HIC1: variants seen among roughly 807,000 people sequenced by gnomAD.
The protein encoded by HIC1 is hypermethylated in cancer 1 protein.
Under a neutral mutation model 26.4 loss-of-function variants are expected in HIC1, and 9 were observed. That is an observed-to-expected ratio of 0.34 (90% CI 0.21 to 0.59). The LOEUF (loss-of-function observed/expected upper bound fraction) is 0.59, where lower values mean the gene tolerates loss of function less well. Among genes scored for constraint, HIC1 ranks in the 20% least tolerant of loss-of-function variants. The probability of loss-of-function intolerance (pLI) is 0.82; values close to 1 mark genes in which losing one functional copy is unlikely to be tolerated. For missense variants in HIC1, 965 were observed against 1,075.7 expected, an observed-to-expected ratio of 0.90 and a Z score of 1.44; for synonymous variants, 631 against 523.1, an observed-to-expected ratio of 1.21 and a Z score of -2.81.
chr17:2,062,275 A>G lies in HIC1; in HGVS notation c.*3440A>G, dbSNP rs1183596156. 1 of 152,334 alleles carries G rather than the reference A, an allele frequency of 6.6e-6. No homozygotes were observed. The highest frequency in any genetic ancestry group is 1.5e-5 in the Non-Finnish European group (1 of 68,124). 9.4% of individuals were successfully genotyped at this position (152,334 alleles called of 1,614,324 possible). ...AAGTCTCTAAGAGGACAGAAGAGTA[A>G]AAAGGAAGAGTAGAGTTAAGATGAT... On this transcript the variant is annotated 3_prime_UTR_variant, in exon 2 of 2. Transcript: ENST00000619757.
In HIC1 at chr17:2,061,985, G is replaced by A. The variant is rs11869171; in HGVS notation, c.*3150G>A. 0.037 allele frequency: 6,335 copies of A among 173,376 alleles called. 174 individuals are homozygous for A. Among genetic ancestry groups the A allele is most frequent in the African/African-American group, 0.078 (3,270 of 41,700 alleles). 10.7% of individuals were successfully genotyped at this position (173,376 alleles called of 1,614,324 possible). ...TGGCTGGCCCCCAGATCACAACACC[G>A]CTCTCCCCACACCCCACTTTTTTTT... On this transcript the variant is annotated 3_prime_UTR_variant, in exon 2 of 2. Coordinates refer to ENST00000619757, the MANE Select transcript of HIC1 (RefSeq NM_006497.4).
Position 2,057,058 on chromosome 17 carries a change from T to C in HIC1, c.368T>C (p.Val123Ala). 1.4e-6 allele frequency: 2 copies of C among 1,473,728 alleles called. No homozygotes were observed. Among genetic ancestry groups the C allele is most frequent in the Non-Finnish European group, 8.9e-7 (1 of 1,118,438 alleles). The allele number at this position is 1,473,728 out of a possible 1,614,324, so 91.3% of individuals were successfully genotyped here. ...AGCTACCTGCAGATCCCCGACCTCG[T>C]GGCGCTGTGCAAGAAACGCCTCAAG... ...AASYLQIPDL[V>A]ALCKKRLKRH... The change falls in exon 2 of 2, where the codon GTG (valine) becomes GCG (alanine). Residue 123 changes from valine (V) to alanine (A), a missense_variant. Val to Ala is a moderately conservative substitution (Grantham distance 64). This residue lies in a region of HIC1 where 526 missense variants were observed against 525.0 expected (regional missense o/e 1.00). Coordinates refer to ENST00000619757, the MANE Select transcript of HIC1 (RefSeq NM_006497.4).
rs766662445 is a variant in HIC1, at chr17:2,058,641, G to A, written c.1951G>A (p.Ala651Thr). The part of the protein sequence containing the change: ...LSLKQQDKAA[A>T]AELLAQTTHF... ...CCTGAAGCAGCAGGACAAGGCGGCC[G>A]CGGCCGAGCTGCTGGCGCAGACCAC... is the stretch of plus-strand genomic sequence containing the variant. The change falls in exon 2 of 2, where the codon GCG (alanine) becomes ACG (threonine). Residue 651 changes from alanine (A) to threonine (T), a missense_variant. Around this residue, in one of 6 missense-constraint regions of HIC1, gnomAD observed 210 missense variants for 179.2 expected, o/e 1.17. Transcript: ENST00000619757. The A allele has an allele frequency of 2.6e-6, 4 of 1,563,528 alleles. No homozygotes were observed. The highest frequency in any genetic ancestry group is 1.2e-5 in the South Asian group (1 of 85,258).
Position 2,058,556 on chromosome 17 carries a change from C to T in HIC1, c.1866C>T (p.Gly622=), listed in dbSNP as rs780879710. 3.2e-6 allele frequency: 5 copies of T among 1,543,616 alleles called. No individual in the cohort carries two copies. Among genetic ancestry groups the T allele is most frequent in the Non-Finnish European group, 3.5e-6 (4 of 1,152,478 alleles). Reference sequence around the variant, plus strand: ...GCGTCCCCGGCCCCGACGGCAAGGGCAAGCTCGACTTCCCCGAGGGCGTCT... The same window carrying T: ...GCGTCCCCGGCCCCGACGGCAAGGGTAAGCTCGACTTCCCCGAGGGCGTCT... ...LPGVPGPDGK[G]KLDFPEGVFA... The change falls in exon 2 of 2, where the codon GGC becomes GGT. Residue 622 remains glycine (G), a synonymous_variant. Transcript: ENST00000619757.
intron 1 of HIC1, chr17:2,056,337 C>T (rs538995868): frequency 1.8e-5 from 29 of 1,613,418 alleles, no homozygotes; most frequent in Middle Eastern, 3.3e-4. Flanking sequence ...GGACATTTTA[C>T]TTAAATCGGG....
In HIC1 at chr17:2,057,108, C is replaced by CGGGGCGGCG; in HGVS notation, c.420_428dup (p.Gly146_Gly148dup). Reference sequence around the variant, plus strand: ...GCGCCACGGCAAGTACTGCCACCTGCGGGGCGGCGGCGGCGGCGGCGGCGG... The same window carrying CGGGGCGGCG: ...GCGCCACGGCAAGTACTGCCACCTGCGGGGCGGCGGGGGCGGCGGCGGCGGCGGCGGCGG... On this transcript the variant is annotated inframe_insertion, in exon 2 of 2. Transcript: ENST00000619757. 2.3e-6 allele frequency: 3 copies of CGGGGCGGCG among 1,331,332 alleles called. No homozygotes were observed. The highest frequency in any genetic ancestry group is 2.9e-6 in the Non-Finnish European group (3 of 1,049,712). The allele number at this position is 1,331,332 out of a possible 1,614,324, so 82.5% of individuals were successfully genotyped here. A position where few individuals can be genotyped will look rare whatever the true frequency, so the allele number is the denominator to read the frequency against.
At position 2,059,597 on chromosome 17, in the gene HIC1, T is replaced by C. The variant is rs2067717054; in HGVS notation, c.*762T>C. On this transcript the variant is annotated 3_prime_UTR_variant, in exon 2 of 2. Coordinates refer to ENST00000619757, the MANE Select transcript of HIC1 (RefSeq NM_006497.4). ...GTCTCTTTAGCTCCCTCCTCTTCGT[T>C]TGTATATTTCCTACCTTGTACACAG... The C allele has an allele frequency of 6.0e-6, 1 of 167,068 alleles. No individual in the cohort carries two copies. Among genetic ancestry groups the C allele is most frequent in the Admixed American group, 6.5e-5 (1 of 15,294 alleles). The allele number at this position is 167,068 out of a possible 1,614,324, so 10.3% of individuals were successfully genotyped here. A position where few individuals can be genotyped will look rare whatever the true frequency, so the allele number is the denominator to read the frequency against.
Position 2,061,519 on chromosome 17 carries a change from G to A in HIC1, c.*2684G>A, listed in dbSNP as rs746325036. The A allele has an allele frequency of 6.3e-7, 1 of 1,575,276 alleles. No individual in the cohort carries two copies. Among genetic ancestry groups the A allele is most frequent in the Admixed American group, 1.8e-5 (1 of 54,788 alleles). On this transcript the variant is annotated 3_prime_UTR_variant, in exon 2 of 2. Transcript: ENST00000619757. ...AGCCCACCTGGGCCCACGTGAGGAA[G>A]GCTGGGATGTCCCGTACAGGAACAT...
In HIC1 at chr17:2,057,554, T is replaced by C; in HGVS notation, c.864T>C (p.Phe288=). The stretch of plus-strand genomic sequence containing the variant: ...AGGCCGCACCGCCTTCCGACCCATT[T>C]CGCGGCGGCAGCGGCAGCCCGGGAC... ...LEEAAPPSDP[F]RGGSGSPGPE... The change falls in exon 2 of 2, where the codon TTT becomes TTC. Residue 288 remains phenylalanine (F), a synonymous_variant. Coordinates refer to ENST00000619757, the MANE Select transcript of HIC1 (RefSeq NM_006497.4). The C allele has an allele frequency of 1.3e-6, 2 of 1,498,946 alleles. No homozygotes were observed. The highest frequency in any genetic ancestry group is 1.8e-6 in the Non-Finnish European group (2 of 1,129,644). 92.9% of individuals were successfully genotyped at this position (1,498,946 alleles called of 1,614,324 possible).
At chr17:2,056,271 C>G (rs1421392906) in intron 1 of HIC1, 1 of 1,587,252 alleles carries the variant, frequency 6.3e-7, no homozygotes, top group South Asian at 1.1e-5. Context: ...GGTTCCTCGG[C>G]TCCCTTTCTC....
Position 2,059,200 on chromosome 17 carries a change from C to T in HIC1, c.*365C>T, listed in dbSNP as rs961118968. ...ACTGTCGGGGCACTCCTAGCCCTAC[C>T]TCCGGCCCTTGCGACCACACCCATT... On this transcript the variant is annotated 3_prime_UTR_variant, in exon 2 of 2. Transcript: ENST00000619757. The T allele has an allele frequency of 3.5e-5, 8 of 227,066 alleles. No homozygotes were observed. The highest frequency in any genetic ancestry group is 6.0e-5 in the Admixed American group (1 of 16,774). The allele number at this position is 227,066 out of a possible 1,614,324, so 14.1% of individuals were successfully genotyped here. A position where few individuals can be genotyped will look rare whatever the true frequency, so the allele number is the denominator to read the frequency against.
In HIC1 at chr17:2,060,556, A is replaced by G. The variant is rs530911571; in HGVS notation, c.*1721A>G. The G allele has an allele frequency of 1.3e-5, 2 of 152,462 alleles. No homozygotes were observed. Among genetic ancestry groups the G allele is most frequent in the African/African-American group, 4.8e-5 (2 of 41,556 alleles). The allele number at this position is 152,462 out of a possible 1,614,324, so 9.4% of individuals were successfully genotyped here. A position where few individuals can be genotyped will look rare whatever the true frequency, so the allele number is the denominator to read the frequency against. On this transcript the variant is annotated 3_prime_UTR_variant, in exon 2 of 2. Transcript: ENST00000619757. ...CCTATGACGAGGAACCGCGGTGAAG[A>G]AATGAAGGGGATCAGGGAGGTGAAA...
chr17:2,061,414 G>C lies in HIC1; in HGVS notation c.*2579G>C. 1 of 1,402,110 alleles carries C rather than the reference G, an allele frequency of 7.1e-7. No individual in the cohort carries two copies. Among genetic ancestry groups the C allele is most frequent in the Non-Finnish European group, 9.6e-7 (1 of 1,037,344 alleles). 86.9% of individuals were successfully genotyped at this position (1,402,110 alleles called of 1,614,324 possible). ...GTGGATTGGTGGCTCAGGCACGTGGGCATCTTCCGTGCTACACTGGGCGCC... is the reference window on the plus strand; with the variant it reads ...GTGGATTGGTGGCTCAGGCACGTGGCCATCTTCCGTGCTACACTGGGCGCC... On this transcript the variant is annotated 3_prime_UTR_variant, in exon 2 of 2. Transcript: ENST00000619757.
chr17:2,055,670 C>T lies in HIC1; in HGVS notation c.-21+432C>T, dbSNP rs1242183043. On this transcript the variant is annotated intron_variant, in intron 1 of 1. Transcript: ENST00000619757. This position sits in a 1 kb window ranked among gnomAD's most constrained non-coding sequence, Gnocchi z 6.4. ...CCGCGGGCCAGGAGGGGAACGGGGT[C>T]GGGCGGGCGAGCAGCGGGCAGGGGA... Among the ~76,000 whole-genome samples, 2 of 150,080 alleles carry T rather than the reference C, an allele frequency of 1.3e-5. No homozygotes were observed. Among genetic ancestry groups the T allele is most frequent in the South Asian group, 4.2e-4 (2 of 4,754 alleles).
Position 2,057,652 on chromosome 17 carries a change from G to C in HIC1, c.962G>C (p.Ser321Thr). 6.6e-7 allele frequency: 1 copy of C among 1,516,000 alleles called. No homozygotes were observed. Among genetic ancestry groups the C allele is most frequent in the Non-Finnish European group, 8.8e-7 (1 of 1,139,786 alleles). 93.9% of individuals were successfully genotyped at this position (1,516,000 alleles called of 1,614,324 possible). A position where few individuals can be genotyped will look rare whatever the true frequency, so the allele number is the denominator to read the frequency against. ...ATGAAGCACGAGCCGGGCCTGGGTA[G>C]CTATGGCGACGAGCTGGGCCGGGAG... is the stretch of plus-strand genomic sequence containing the variant. ...RWMKHEPGLG[S>T]YGDELGRERG... Residue 321 changes from serine (S) to threonine (T), a missense_variant, in exon 2 of 2, where the codon AGC (serine) becomes ACC (threonine). By Grantham distance (58) the Ser-to-Thr change is moderately conservative (BLOSUM62 1). Transcript: ENST00000619757.
chr17:2,057,304 G>A lies in HIC1; in HGVS notation c.614G>A (p.Gly205Asp). The A allele has an allele frequency of 6.7e-7, 1 of 1,496,298 alleles. No homozygotes were observed. 92.7% of individuals were successfully genotyped at this position (1,496,298 alleles called of 1,614,324 possible). Residue 205 changes from glycine to aspartate, a missense_variant, in exon 2 of 2, where the codon GGC (glycine) becomes GAC (aspartate). Around this residue, in one of 6 missense-constraint regions of HIC1, gnomAD observed 526 missense variants for 525.0 expected, o/e 1.00. Coordinates refer to ENST00000619757, the MANE Select transcript of HIC1 (RefSeq NM_006497.4). The part of the protein sequence containing the change: ...HCAELYASGP[G>D]PAAALCASER... ...GCCGAGCTGTACGCGTCGGGACCCG[G>A]CCCGGCCGCCGCACTCTGTGCCTCG... is the stretch of plus-strand genomic sequence containing the variant.
At position 2,057,923 on chromosome 17, in the gene HIC1, G is replaced by A. The variant is rs777395065; in HGVS notation, c.1233G>A (p.Glu411=). Residue 411 remains glutamate (E), a synonymous_variant, in exon 2 of 2, where the codon GAG becomes GAA. Transcript: ENST00000619757. ...PCPHLAYGEP[E]SFGDNLYVCI... ...CGCACCTGGCCTATGGCGAGCCCGAGAGCTTCGGTGACAACCTGTACGTGT... is the reference window on the plus strand; with the variant it reads ...CGCACCTGGCCTATGGCGAGCCCGAAAGCTTCGGTGACAACCTGTACGTGT... 6 of 1,609,634 alleles carry A rather than the reference G, an allele frequency of 3.7e-6. No homozygotes were observed. Among genetic ancestry groups the A allele is most frequent in the Non-Finnish European group, 4.2e-6 (5 of 1,178,498 alleles).
chr17:2,058,756 C>A lies in HIC1; in HGVS notation c.2066C>A (p.Ala689Glu), dbSNP rs766750503. 9.8e-6 allele frequency: 15 copies of A among 1,524,594 alleles called. No homozygotes were observed. In the African/African-American group the frequency reaches 1.8e-4, roughly 19 times the overall value. The allele number at this position is 1,524,594 out of a possible 1,614,324, so 94.4% of individuals were successfully genotyped here. ...TAELGLSPDK[A>E]AEVLSQGAHL... ...GAGCTGGGCCTCAGCCCCGACAAGG[C>A]GGCCGAGGTGCTGAGCCAGGGCGCT... The change falls in exon 2 of 2, where the codon GCG becomes GAG. Residue 689 changes from alanine to glutamate, a missense_variant. Coordinates refer to ENST00000619757, the MANE Select transcript of HIC1 (RefSeq NM_006497.4).
In HIC1 at chr17:2,058,562, C is replaced by A. The variant is rs752288028; in HGVS notation, c.1872C>A (p.Leu624=). ...CCGGCCCCGACGGCAAGGGCAAGCT[C>A]GACTTCCCCGAGGGCGTCTTTGCTG... ...GVPGPDGKGK[L]DFPEGVFAVA... is the part of the protein sequence containing the mutation. Residue 624 remains leucine (L), a synonymous_variant, in exon 2 of 2, where the codon CTC becomes CTA. Transcript: ENST00000619757. The A allele has an allele frequency of 6.5e-7, 1 of 1,550,100 alleles. No homozygotes were observed. The highest frequency in any genetic ancestry group is 8.7e-7 in the Non-Finnish European group (1 of 1,155,708).
Sources: gnomAD v4.1 joint callset for allele counts (sites outside exome capture counted in the v4.1 genomes callset) on GRCh38, gnomAD v4.1.1 for gene constraint, gnomAD v4.1.1 regional missense constraint, Gnocchi (gnomAD v3.1) non-coding constraint, MANE v1.5 for transcripts, NCBI Gene and HGNC (gene_info 2026-07-23, HGNC 2026-07-21) for gene names.